Variants in ETFA observed in about 807,000 individuals in gnomAD.
ETFA encodes electron transfer flavoprotein subunit alpha.
Under a neutral mutation model 46.2 loss-of-function variants are expected in ETFA, and 22 were observed. The ratio of observed to expected loss-of-function variants is 0.48; its 90% CI spans 0.34 to 0.68. ETFA has a LOEUF of 0.68. ETFA is among the 30% of genes least tolerant of loss of function. The pLI is 0.01. For missense variants in ETFA, 345 were observed against 401.1 expected, an observed-to-expected ratio of 0.86 and a Z score of 1.19; for synonymous variants, 131 against 139.9, an observed-to-expected ratio of 0.94 and a Z score of 0.45.
At chr15:76,303,334 T>C (rs893051226) in intron 1 of ETFA, among the ~76,000 whole-genome samples, 1 of 151,976 alleles carries the variant, frequency 6.6e-6, no homozygotes, top group African/African-American at 2.4e-5. Flanking sequence ...AAAAATGATT[T>C]AAATGTAAGA....
At chr15:76,220,445 A>T (rs1277468590) in intron 11 of ETFA, among the ~76,000 whole-genome samples, 2 of 152,360 alleles carry the variant, frequency 1.3e-5, no homozygotes, top group East Asian at 3.9e-4. Context: ...TCAAAATTTA[A>T]AACTTTATTT....
At chr15:76,285,399 A>T (rs1386755712) in intron 7 of ETFA, among the ~76,000 whole-genome samples, 1 of 152,186 alleles carries the variant, frequency 6.6e-6, no homozygotes, top group Admixed American at 6.5e-5. Flanking sequence ...AGTTATGCAG[A>T]TAAGATTTAT....
At chr15:76,224,208 C>T (rs531969163) in intron 11 of ETFA, among the ~76,000 whole-genome samples, 1 of 152,130 alleles carries the variant, frequency 6.6e-6, no homozygotes, top group South Asian at 2.1e-4. Flanking sequence ...CTTTTTCATA[C>T]CAGCCCCCCT....
At chr15:76,245,241 T>C (rs1475035560) in intron 9 of ETFA, 1 of 152,206 alleles carries the variant, frequency 6.6e-6, no homozygotes, top group East Asian at 1.9e-4. Context: ...AGCATTTCTC[T>C]CTGTCCTCTT....
At chr15:76,256,133 C>T (rs1372873638) in intron 9 of ETFA, among the ~76,000 whole-genome samples, 1 of 151,952 alleles carries the variant, frequency 6.6e-6, no homozygotes. Flanking sequence ...TGGTTCACAC[C>T]TGTAATCCCA....
chr15:76,266,383 C>T (rs967139010), intron 9 of ETFA, among the ~76,000 whole-genome samples: 4 of 152,026 alleles, frequency 2.6e-5, no homozygotes, highest in African/African-American at 4.8e-5. Flanking sequence ...AAACTTATGT[C>T]GGGAAAGCTA....
intron 9 of ETFA, chr15:76,261,406 C>T: frequency 7.7e-7 from 1 of 1,302,960 alleles, no homozygotes; most frequent in Non-Finnish European, 1.1e-6. Context: ...GCTGAGGAAG[C>T]CGATCCAGTG....
chr15:76,260,019 T>G (rs2039389443), intron 9 of ETFA: 1 of 1,482,028 alleles, frequency 6.7e-7, no homozygotes, highest in Non-Finnish European at 9.4e-7. Context: ...TGAGGAACTC[T>G]TCAATGTCAC....
At chr15:76,261,311 G>A in intron 9 of ETFA, 1 of 1,505,612 alleles carries the variant, frequency 6.6e-7, no homozygotes, top group South Asian at 1.2e-5. Flanking sequence ...ACTACCGTGA[G>A]CCACACTGGC....
intron 9 of ETFA, among the ~76,000 whole-genome samples, chr15:76,249,380 G>A (rs2039274043): frequency 6.7e-6 from 1 of 150,346 alleles, no homozygotes; most frequent in African/African-American, 2.5e-5. Flanking sequence ...CTTGCACCTC[G>A]GCCTCCCAAA....
At chr15:76,254,887 G>A (rs1156536189) in intron 9 of ETFA, among the ~76,000 whole-genome samples, 1 of 152,064 alleles carries the variant, frequency 6.6e-6, no homozygotes, top group African/African-American at 2.4e-5. Flanking sequence ...TTTCATTATT[G>A]TTCAATAAAC....
intron 8 of ETFA, among the ~76,000 whole-genome samples, chr15:76,277,793 G>A (rs749041925): frequency 3.3e-5 from 5 of 152,106 alleles, no homozygotes; most frequent in South Asian, 2.1e-4. Flanking sequence ...ATGAGCCACC[G>A]TGCCCTGCCC....
intron 9 of ETFA, among the ~76,000 whole-genome samples, chr15:76,258,149 AC>A (rs1307525136): frequency 2.6e-5 from 4 of 151,346 alleles, no homozygotes; most frequent in African/African-American, 9.8e-5. Flanking sequence ...GTGCACATGT[AC>A]CCTAAAACTT....
intron 8 of ETFA, among the ~76,000 whole-genome samples, chr15:76,275,068 C>T (rs985463677): frequency 2.0e-5 from 3 of 152,138 alleles, no homozygotes; most frequent in African/African-American, 4.8e-5. Flanking sequence ...CCTCCAAAAA[C>T]GCACAGCCTC....
At chr15:76,222,838 A>AT (rs5813824) in intron 11 of ETFA, among the ~76,000 whole-genome samples, 141 of 146,892 alleles carry the variant, frequency 9.6e-4, no homozygotes, top group Middle Eastern at 7.1e-3. Flanking sequence ...CCCAAACTGA[A>AT]TTTTTTTTTT....
chr15:76,228,069 C>CGA (rs1349471558), intron 10 of ETFA: 3 of 426,188 alleles, frequency 7.0e-6, no homozygotes, highest in Admixed American at 4.9e-5. Flanking sequence ...TGCTTCACGG[C>CGA]GATAAGCAGA....
At position 76,260,021 on chromosome 15, in the gene ETFA, C is replaced by T; in HGVS notation, c.816+14391G>A. On this transcript the variant is annotated intron_variant, in intron 9 of 11. Coordinates refer to ENST00000557943, the MANE Select transcript of ETFA (RefSeq NM_000126.4). The stretch of plus-strand genomic sequence containing the variant: ...CAAGCTGCTTTCCTGAGGAACTCTT[C>T]AATGTCACTTGAGGCAATGAGATCA... The T allele has an allele frequency of 2.0e-6, 3 of 1,481,452 alleles. No homozygotes were observed. In the South Asian group the frequency reaches 3.4e-5, roughly 17 times the overall value. 91.8% of individuals were successfully genotyped at this position (1,481,452 alleles called of 1,614,324 possible).
At chr15:76,224,308 T>C (rs2038984185) in intron 11 of ETFA, among the ~76,000 whole-genome samples, 1 of 152,184 alleles carries the variant, frequency 6.6e-6, no homozygotes, top group African/African-American at 2.4e-5. Context: ...CTGACCTACC[T>C]GAATCCCAAA....
chr15:76,286,347 A>G (rs1214080001), intron 6 of ETFA, 24 bp downstream of exon 6: 7 of 1,451,140 alleles, frequency 4.8e-6, no homozygotes, highest in Non-Finnish European at 6.8e-6. Context: ...AAACAAAACA[A>G]AAAAACTCCA....
Sources: allele counts gnomAD v4.1 joint callset (sites outside exome capture counted in the v4.1 genomes callset), GRCh38; gene constraint gnomAD v4.1.1; transcripts MANE v1.5; gene names NCBI Gene and HGNC (gene_info 2026-07-23, HGNC 2026-07-21).